SPP1: variants seen among roughly 807,000 people sequenced by gnomAD.
SPP1 encodes secreted phosphoprotein 1.
A neutral mutation model predicts 20.8 loss-of-function variants in SPP1; 18 were observed. The ratio of observed to expected loss-of-function variants is 0.87; its 90% CI spans 0.60 to 1.29. The LOEUF is 1.29. Ranked by LOEUF, SPP1 falls within the 50% of genes most tolerant of loss-of-function variation. The pLI, the probability that SPP1 is intolerant of heterozygous loss-of-function variation, is 0.00. For synonymous variants in SPP1, 146 were observed against 141.5 expected, an observed-to-expected ratio of 1.03 and a Z score of -0.23; for missense variants, 363 against 389.0, an observed-to-expected ratio of 0.93 and a Z score of 0.56.
At position 87,982,712 on chromosome 4, in the gene SPP1, G is replaced by A. The variant is rs1434002879; in HGVS notation, c.761G>A (p.Ser254Asn). ...TATAAGCGGAAAGCCAATGATGAGAGCAATGAGCATTCCGATGTGATTGAT... is the reference window on the plus strand; with the variant it reads ...TATAAGCGGAAAGCCAATGATGAGAACAATGAGCATTCCGATGTGATTGAT... ...RLYKRKANDE[S>N]NEHSDVIDSQ... The change falls in exon 7 of 7, where the codon AGC becomes AAC. Residue 254 changes from serine to asparagine, a missense_variant. Physicochemically the swap from Ser to Asn is conservative, Grantham distance 46. Transcript: ENST00000395080. 18 of 1,614,126 alleles carry A rather than the reference G, an allele frequency of 1.1e-5. No homozygotes were observed. The highest frequency in any genetic ancestry group is 8.9e-5 in the East Asian group (4 of 44,880).
intron 1 of SPP1, 79 bp from the exon 2 acceptor site, chr4:87,976,803 T>C (rs1216142421): frequency 5.7e-6 from 5 of 884,570 alleles, no homozygotes; most frequent in African/African-American, 5.1e-5. Flanking sequence ...TGTGATCATT[T>C]TGTAATGTGG....
rs1204307434 is a variant in SPP1 at position 87,980,066 on chromosome 4, T to C, written c.114T>C (p.Asp38=). ...EEKQLYNKYP[D]AVATWLNPDP... ...TGTAGCTTTACAACAAATACCCAGA[T>C]GCTGTGGCCACATGGCTAAACCCTG... Residue 38 remains aspartate, a synonymous_variant, in exon 4 of 7, where the codon GAT becomes GAC. Transcript: ENST00000395080. 1 of 1,614,168 alleles carries C rather than the reference T, an allele frequency of 6.2e-7. No homozygotes were observed. The highest frequency in any genetic ancestry group is 1.7e-5 in the Admixed American group (1 of 60,010).
intron 1 of SPP1, 47 bp from the exon 2 acceptor site, chr4:87,976,835 T>C: frequency 1.4e-6 from 2 of 1,381,408 alleles, no homozygotes; most frequent in Non-Finnish European, 1.0e-6. Context: ...GGTATCACTG[T>C]TGTAACCTAT....
intron 1 of SPP1, 104 bp downstream of exon 1, chr4:87,975,904 T>C (rs1317426316): frequency 1.3e-5 from 2 of 152,190 alleles, no homozygotes; most frequent in Non-Finnish European, 2.9e-5. Flanking sequence ...TTAAACAGAC[T>C]TAAATTTTCT....
At chr4:87,979,969 A>G (rs1725577652) in intron 3 of SPP1, 77 bp from the exon 4 acceptor site, 1 of 1,415,266 alleles carries the variant, frequency 7.1e-7, no homozygotes, top group Non-Finnish European at 9.9e-7. Context: ...CATCAAGACT[A>G]GTGAAGAATG....
rs916141295 is a variant in SPP1, at chr4:87,981,587, A to G, written c.329A>G (p.Asp110Gly). Residue 110 changes from aspartate (D) to glycine (G), a missense_variant, in exon 6 of 7, where the codon GAT becomes GGT. Coordinates refer to ENST00000395080, the MANE Select transcript of SPP1 (RefSeq NM_001040058.2). ...TCCATTGACTCGAACGACTCTGATGATGTAGATGACACTGATGATTCTCAC... is the reference window on the plus strand; with the variant it reads ...TCCATTGACTCGAACGACTCTGATGGTGTAGATGACACTGATGATTCTCAC... ...QDSIDSNDSDDVDDTDDSHQS... is the reference protein window; with the variant it reads ...QDSIDSNDSDGVDDTDDSHQS... 3.7e-6 allele frequency: 6 copies of G among 1,614,058 alleles called. No individual in the cohort carries two copies. The Admixed American group carries it at 1.0e-4, about 27-fold the overall frequency.
At chr4:87,979,883 A>T (rs1292906330) in intron 3 of SPP1, among the ~76,000 whole-genome samples, 163 bp from the exon 4 acceptor site, 1 of 151,300 alleles carries the variant, frequency 6.6e-6, no homozygotes, top group Admixed American at 6.6e-5. Context: ...GTGCTACATA[A>T]GAGTTTGTTA....
chr4:87,980,137 A>G lies in SPP1; in HGVS notation c.174+11A>G. Reference sequence around the variant, plus strand: ...CTCCTAGCCCCACAGGTATTTTTAAACTTCTCATAATTAAACTACAGTGAT... The same window carrying G: ...CTCCTAGCCCCACAGGTATTTTTAAGCTTCTCATAATTAAACTACAGTGAT... On this transcript the variant is annotated intron_variant, in intron 4 of 6. Coordinates refer to ENST00000395080, the MANE Select transcript of SPP1 (RefSeq NM_001040058.2). 1 of 1,614,066 alleles carries G rather than the reference A, an allele frequency of 6.2e-7. No homozygotes were observed.
intron 5 of SPP1, 128 bp from the exon 6 acceptor site, chr4:87,981,347 G>A (rs191752708): frequency 1.3e-6 from 1 of 797,718 alleles, no homozygotes; most frequent in Non-Finnish European, 1.9e-6. Flanking sequence ...AAAAGCCATG[G>A]TATGTACTGT....
Position 87,981,759 on chromosome 4 carries a change from G to C in SPP1, c.501G>C (p.Leu167=), listed in dbSNP as rs751948923. Residue 167 remains leucine (L), a synonymous_variant, in exon 6 of 7, where the codon CTG becomes CTC. Transcript: ENST00000395080. ...GAGGTGATAGTGTGGTTTATGGACT[G>C]AGGTCAAAATCTAAGAAGTTTCGCA... The part of the protein sequence containing the change: ...DGRGDSVVYG[L]RSKSKKFRRP... 3.1e-6 allele frequency: 5 copies of C among 1,614,120 alleles called. No individual in the cohort carries two copies. In the South Asian group the frequency reaches 5.5e-5, roughly 18 times the overall value.
In SPP1 at chr4:87,982,892, A is replaced by G. The variant is rs754893810; in HGVS notation, c.941A>G (p.Asn314Ser). Residue 314 changes from asparagine to serine, a missense_variant, in exon 7 of 7, where the codon AAT becomes AGT. Physicochemically the swap from Asn to Ser is conservative, Grantham distance 46. Coordinates refer to ENST00000395080, the MANE Select transcript of SPP1 (RefSeq NM_001040058.2). ...HELDSASSEV[N>S] ...TTAGATAGTGCATCTTCTGAGGTCA[A>G]TTAAAAGGAGAAAAAATACAATTTC... 17 of 1,584,690 alleles carry G rather than the reference A, an allele frequency of 1.1e-5. No individual in the cohort carries two copies. Among genetic ancestry groups the G allele is most frequent in the Middle Eastern group, 1.7e-4 (1 of 5,902 alleles).
chr4:87,975,954 C>CTG (rs5860110), intron 1 of SPP1, among the ~76,000 whole-genome samples, 154 bp downstream of exon 1: 50,695 of 151,886 alleles, frequency 0.33, 8,743 homozygotes, highest in African/African-American at 0.42. Context: ...TGCAGGTCTC[C>CTG]TGGAACAAAG....
intron 6 of SPP1, 69 bp downstream of exon 6, chr4:87,981,867 TATTCATTCATTC>T: frequency 7.6e-7 from 1 of 1,314,038 alleles, no homozygotes; most frequent in East Asian, 2.3e-5. Flanking sequence ...ACAGTTTGCA[TATTCATTCATTC>T]ATTCATCCAT....
chr4:87,980,244 A>G, intron 4 of SPP1, 118 bp downstream of exon 4: 4 of 1,462,236 alleles, frequency 2.7e-6, no homozygotes, highest in Non-Finnish European at 3.8e-6. Flanking sequence ...TAGGACATTG[A>G]CTGATCTGCC....
At chr4:87,981,104 TA>T (rs1725622243) in intron 5 of SPP1, among the ~76,000 whole-genome samples, 2 of 152,228 alleles carry the variant, frequency 1.3e-5, no homozygotes, top group South Asian at 4.2e-4. Context: ...TCATTTCAAA[TA>T]AAAAAACCAG....
chr4:87,980,225 A>G, intron 4 of SPP1, 99 bp downstream of exon 4: 1 of 1,481,214 alleles, frequency 6.8e-7, no homozygotes, highest in Middle Eastern at 1.7e-4. Flanking sequence ...CTGCTGGCAA[A>G]CATGTGCTTA....
chr4:87,980,316 G>A, intron 4 of SPP1, 77 bp from the exon 5 acceptor site: 1 of 1,584,274 alleles, frequency 6.3e-7, no homozygotes, highest in Non-Finnish European at 8.6e-7. Flanking sequence ...AAACTGCTTT[G>A]GATTAAAAAG....
At position 87,982,641 on chromosome 4, in the gene SPP1, G is replaced by A. The variant is rs1353934484; in HGVS notation, c.690G>A (p.Leu230=). The A allele has an allele frequency of 1.2e-6, 2 of 1,614,004 alleles. No individual in the cohort carries two copies. The highest frequency in any genetic ancestry group is 1.7e-6 in the Non-Finnish European group (2 of 1,180,036). The change falls in exon 7 of 7, where the codon CTG becomes CTA. Residue 230 remains leucine (L), a synonymous_variant. Transcript: ENST00000395080. ...RGKDSYETSQ[L]DDQSAETHSH... ...AGGACAGTTATGAAACGAGTCAGCT[G>A]GATGACCAGAGTGCTGAAACCCACA...
At position 87,983,021 on chromosome 4, in the gene SPP1, T is replaced by G; in HGVS notation, c.*125T>G. 3.0e-6 allele frequency: 3 copies of G among 1,009,534 alleles called. No individual in the cohort carries two copies. Among genetic ancestry groups the G allele is most frequent in the Non-Finnish European group, 4.2e-6 (3 of 711,772 alleles). 62.5% of individuals were successfully genotyped at this position (1,009,534 alleles called of 1,614,324 possible). A position where few individuals can be genotyped will look rare whatever the true frequency, so the allele number is the denominator to read the frequency against. On this transcript the variant is annotated 3_prime_UTR_variant, in exon 7 of 7. Transcript: ENST00000395080. ...TTGGTTGAATGTGTATCTATTTGAG[T>G]CTGGAAATAACTAATGTGTTTGATA...
Sources: gnomAD v4.1 joint callset for allele counts (sites outside exome capture counted in the v4.1 genomes callset) on GRCh38, gnomAD v4.1.1 for gene constraint, MANE v1.5 for transcripts, NCBI Gene and HGNC (gene_info 2026-07-23, HGNC 2026-07-21) for gene names.